The following GTF3C1 variants were observed in gnomAD, a reference collection of about 807,000 sequenced individuals.
GTF3C1 encodes the protein general transcription factor IIIC subunit 1.
In GTF3C1, 57 loss-of-function variants were observed where a neutral mutation model predicts 226.7. That is an observed-to-expected ratio of 0.25 (90% CI 0.20 to 0.31). GTF3C1 has a LOEUF of 0.31. GTF3C1 is among the 10% of genes least tolerant of loss of function. The probability of loss-of-function intolerance (pLI) is 1.00; values close to 1 mark genes in which losing one functional copy is unlikely to be tolerated. For synonymous variants in GTF3C1, 1,090 were observed against 1,084.8 expected, an observed-to-expected ratio of 1.00 and a Z score of -0.09; for missense variants, 2,217 against 2,776.1, an observed-to-expected ratio of 0.80 and a Z score of 4.53.
intron 7 of GTF3C1, 151 bp downstream of exon 7, chr16:27,511,598 A>C (rs1204932059): frequency 4.2e-6 from 3 of 708,136 alleles, no homozygotes; most frequent in Non-Finnish European, 6.8e-6. Flanking sequence ...CTCCAATCTG[A>C]CCTTGAAGCC....
Position 27,494,913 on chromosome 16 carries a change from G to GAA in GTF3C1, c.2633-7_2633-6dup, listed in dbSNP as rs758132113. The GAA allele has an allele frequency of 1.9e-6, 3 of 1,611,162 alleles. No homozygotes were observed. The African/African-American group carries it at 4.0e-5, about 22-fold the overall frequency. On this transcript the variant is annotated splice_region_variant and splice_polypyrimidine_tract_variant and intron_variant, in intron 15 of 36. Coordinates refer to ENST00000356183, the MANE Select transcript of GTF3C1 (RefSeq NM_001520.4). ...ACGAGGCATCGTCGACATACACTAGGAAAAAAACGCACGGTTACCCCCGGC... is the reference window on the plus strand; with the variant it reads ...ACGAGGCATCGTCGACATACACTAGGAAAAAAAAACGCACGGTTACCCCCGGC...
Position 27,483,044 on chromosome 16 carries a change from C to A in GTF3C1, c.4083G>T (p.Lys1361Asn), listed in dbSNP as rs2088080143. The change falls in exon 26 of 37, where the codon AAG (lysine) becomes AAT (asparagine). Residue 1361 changes from lysine to asparagine, a missense_variant and splice_region_variant. Around this residue, in one of 12 missense-constraint regions of GTF3C1, gnomAD observed 546 missense variants for 663.0 expected, o/e 0.82. Coordinates refer to ENST00000356183, the MANE Select transcript of GTF3C1 (RefSeq NM_001520.4). Reference protein sequence around the residue: ...MNRRGDYDDPKVCANEFKEFV... With the variant: ...MNRRGDYDDPNVCANEFKEFV... Reference sequence around the variant, plus strand: ...AGCCCTACACTCACACAGGACCTACCTTTGGGTCATCATAGTCACCTCTTC... The same window carrying A: ...AGCCCTACACTCACACAGGACCTACATTTGGGTCATCATAGTCACCTCTTC... 6.2e-7 allele frequency: 1 copy of A among 1,613,920 alleles called. No individual in the cohort carries two copies. Among genetic ancestry groups the A allele is most frequent in the Non-Finnish European group, 8.5e-7 (1 of 1,179,894 alleles).
At chr16:27,505,669 T>C (rs2088472753) in intron 10 of GTF3C1, among the ~76,000 whole-genome samples, 1 of 152,192 alleles carries the variant, frequency 6.6e-6, no homozygotes, top group Non-Finnish European at 1.5e-5. Flanking sequence ...TGGAAATGAA[T>C]AAGCCACTGG....
chr16:27,501,675 T>C (rs1384648758), intron 11 of GTF3C1, among the ~76,000 whole-genome samples: 1 of 152,212 alleles, frequency 6.6e-6, no homozygotes, highest in Non-Finnish European at 1.5e-5. Context: ...AATGCTAATC[T>C]AACACCCAGA....
Position 27,549,902 on chromosome 16 carries a change from T to G in GTF3C1, c.-12A>C, listed in dbSNP as rs181685777. 1.9e-6 allele frequency: 3 copies of G among 1,604,692 alleles called. No individual in the cohort carries two copies. Among genetic ancestry groups the G allele is most frequent in the Admixed American group, 1.7e-5 (1 of 59,784 alleles). On this transcript the variant is annotated 5_prime_UTR_variant, in exon 1 of 37. Transcript: ENST00000356183. Reference sequence around the variant, plus strand: ...TCCAGCGCGTCCATTGCTACTTCAGTCGGCGGCGCCCGGGGCGCATGCGCA... The same window carrying G: ...TCCAGCGCGTCCATTGCTACTTCAGGCGGCGGCGCCCGGGGCGCATGCGCA...
At chr16:27,478,614 T>G in intron 27 of GTF3C1, 83 bp from the exon 28 acceptor site, 1 of 919,136 alleles carries the variant, frequency 1.1e-6, no homozygotes, top group Non-Finnish European at 1.8e-6. Context: ...GATGGCCATT[T>G]ATTGGCTAAA....
At chr16:27,536,757 G>A (rs2089007649) in intron 4 of GTF3C1, among the ~76,000 whole-genome samples, 1 of 152,144 alleles carries the variant, frequency 6.6e-6, no homozygotes, top group African/African-American at 2.4e-5. Flanking sequence ...GCCAGGTACT[G>A]AGGGCTCAGG....
chr16:27,493,832 A>T (rs2088269661), intron 16 of GTF3C1, among the ~76,000 whole-genome samples: 1 of 152,228 alleles, frequency 6.6e-6, no homozygotes, highest in Admixed American at 6.5e-5. Context: ...CTATGACTCT[A>T]CTTAATATCA....
At chr16:27,537,158 A>G (rs2089013037) in intron 4 of GTF3C1, among the ~76,000 whole-genome samples, 1 of 152,210 alleles carries the variant, frequency 6.6e-6, no homozygotes, top group Non-Finnish European at 1.5e-5. Flanking sequence ...ATCCAATTTG[A>G]AACTGACATA....
chr16:27,479,878 T>C (rs2141362539), intron 27 of GTF3C1, among the ~76,000 whole-genome samples: 1 of 152,330 alleles, frequency 6.6e-6, no homozygotes, highest in East Asian at 1.9e-4. Flanking sequence ...TCATGGGCTC[T>C]CCTTTAAAAA....
rs765269620 is a variant in GTF3C1, at chr16:27,486,120, G to C, written c.3735C>G (p.Arg1245=). Residue 1245 remains arginine (R), a synonymous_variant, in exon 24 of 37, where the codon CGC becomes CGG. Coordinates refer to ENST00000356183, the MANE Select transcript of GTF3C1 (RefSeq NM_001520.4). ...CACTCTGGTCGGCTTCATCATGGTA[G>C]CGCAGCCTTTTGCTTTTTTCTCCTG... The part of the protein sequence containing the change: ...EFPGEKSKRL[R]YHDEADQSAL... The C allele has an allele frequency of 2.5e-6, 4 of 1,607,800 alleles. No individual in the cohort carries two copies. The Admixed American group carries it at 6.7e-5, about 27-fold the overall frequency.
At chr16:27,489,781 C>G (rs775261861) in intron 19 of GTF3C1, 38 bp from the exon 20 acceptor site, 1 of 1,595,024 alleles carries the variant, frequency 6.3e-7, no homozygotes, top group Non-Finnish European at 8.5e-7. Context: ...ATCACGCCTT[C>G]CTGCTGCAGC....
chr16:27,524,943 C>T (rs2088806924), intron 6 of GTF3C1, among the ~76,000 whole-genome samples: 2 of 152,114 alleles, frequency 1.3e-5, no homozygotes, highest in Non-Finnish European at 2.9e-5. Flanking sequence ...CACCTGAGGT[C>T]AGGGGTTCAA....
chr16:27,461,992 AG>A lies in GTF3C1; in HGVS notation c.6117+301del. The A allele has an allele frequency of 4.9e-6, 2 of 407,492 alleles. No homozygotes were observed. The highest frequency in any genetic ancestry group is 3.9e-5 in the East Asian group (1 of 25,552). 25.2% of individuals were successfully genotyped at this position (407,492 alleles called of 1,614,324 possible). A position where few individuals can be genotyped will look rare whatever the true frequency, so the allele number is the denominator to read the frequency against. On this transcript the variant is annotated intron_variant, in intron 36 of 36. Coordinates refer to ENST00000356183, the MANE Select transcript of GTF3C1 (RefSeq NM_001520.4). The surrounding 1 kb of genome is among the most constrained non-coding windows in gnomAD (Gnocchi z 5.3). The stretch of plus-strand genomic sequence containing the variant: ...CAGCCAAGCAGGAAGCAGCTGCACC[AG>A]GGGGCAGCTGCTTGACCCGTGGGGC...
In GTF3C1 at chr16:27,461,491, T is replaced by G. The variant is rs779637083; in HGVS notation, c.6189A>C (p.Thr2063=). The stretch of plus-strand genomic sequence containing the variant: ...GCACTTCCACCTCTTCCACCACGGG[T>G]GTAGAGAAGAGCGAGACAGGCCTTG... ...RKPRPVSLFS[T]PVVEEVEVPS... The change falls in exon 37 of 37, where the codon ACA becomes ACC. Residue 2063 remains threonine, a synonymous_variant. Coordinates refer to ENST00000356183, the MANE Select transcript of GTF3C1 (RefSeq NM_001520.4). This position sits in a 1 kb window ranked among gnomAD's most constrained non-coding sequence, Gnocchi z 5.3. The G allele has an allele frequency of 1.2e-5, 19 of 1,613,632 alleles. No individual in the cohort carries two copies. The highest frequency in any genetic ancestry group is 8.0e-5 in the African/African-American group (6 of 74,856).
chr16:27,470,146 C>T lies in GTF3C1; in HGVS notation c.4776G>A (p.Val1592=). 1 of 1,614,116 alleles carries T rather than the reference C, an allele frequency of 6.2e-7. No homozygotes were observed. The highest frequency in any genetic ancestry group is 8.5e-7 in the Non-Finnish European group (1 of 1,179,972). The change falls in exon 31 of 37, where the codon GTG becomes GTA. Residue 1592 remains valine, a synonymous_variant. Transcript: ENST00000356183. This position sits in a 1 kb window ranked among gnomAD's most constrained non-coding sequence, Gnocchi z 4.9. ...CATTCTCCACCATTGAGCTGTCTAC[C>T]ACGATGATCTGCTCCGGGATCCTGA... ...VDVRIPEQII[V]VDSSMVENEV... is the part of the protein sequence containing the mutation.
chr16:27,513,157 T>C (rs1356615746), intron 6 of GTF3C1, among the ~76,000 whole-genome samples: 1 of 152,194 alleles, frequency 6.6e-6, no homozygotes, highest in Non-Finnish European at 1.5e-5. Flanking sequence ...CAATGTAGTA[T>C]CACAGAGTCC....
chr16:27,474,051 C>A (rs2087917162), intron 29 of GTF3C1, among the ~76,000 whole-genome samples: 1 of 152,218 alleles, frequency 6.6e-6, no homozygotes, highest in Non-Finnish European at 1.5e-5. Context: ...TTCCAAGAGG[C>A]TGGGCTGTCA....
intron 10 of GTF3C1, among the ~76,000 whole-genome samples, chr16:27,504,641 C>T (rs144708630): frequency 2.0e-5 from 3 of 152,152 alleles, no homozygotes; most frequent in South Asian, 2.1e-4. Flanking sequence ...AGTGGCCAGG[C>T]GCAGTGGCTC....
Sources: gnomAD v4.1 joint callset for allele counts (sites outside exome capture counted in the v4.1 genomes callset) on GRCh38, gnomAD v4.1.1 for gene constraint, gnomAD v4.1.1 regional missense constraint, Gnocchi (gnomAD v3.1) non-coding constraint, MANE v1.5 for transcripts, NCBI Gene and HGNC (gene_info 2026-07-23, HGNC 2026-07-21) for gene names.